Variants in GPAM observed in about 807,000 individuals in gnomAD.
The protein encoded by GPAM is glycerol-3-phosphate acyltransferase 1, mitochondrial.
GPAM carries 56 observed loss-of-function variants against 105.0 expected under a neutral mutation model. That is an observed-to-expected ratio of 0.53 (90% CI 0.43 to 0.67). The LOEUF (loss-of-function observed/expected upper bound fraction) is 0.67, where lower values mean the gene tolerates loss of function less well. GPAM is among the 30% of genes least tolerant of loss of function. The probability of loss-of-function intolerance (pLI) is 0.00; values close to 1 mark genes in which losing one functional copy is unlikely to be tolerated. For synonymous variants in GPAM, 368 were observed against 354.4 expected (o/e 1.04, Z -0.43); for missense variants, 855 against 989.8 (o/e 0.86, Z 1.83).
Position 112,149,962 on chromosome 10 carries a change from T to A in GPAM, c.*3588A>T, listed in dbSNP as rs1349089356. 12 of 985,468 alleles carry A rather than the reference T, an allele frequency of 1.2e-5. No individual in the cohort carries two copies. The allele number at this position is 985,468 out of a possible 1,614,324, so 61.0% of individuals were successfully genotyped here. On this transcript the variant is annotated 3_prime_UTR_variant, in exon 22 of 22. Coordinates refer to ENST00000348367, the MANE Select transcript of GPAM (RefSeq NM_001244949.2). ...AAATCAATCAGCATTTCCAAGTATG[T>A]TTTGCTCACAAAATCGCAGTTATTT...
At position 112,151,113 on chromosome 10, in the gene GPAM, G is replaced by GT. The variant is rs559477400; in HGVS notation, c.*2436dup. The GT allele has an allele frequency of 0.1, 61,433 of 593,062 alleles. 48 individuals carry two copies. The highest frequency in any genetic ancestry group is 0.11 in the Non-Finnish European group (53,896 of 473,678). The allele number at this position is 593,062 out of a possible 1,614,324, so 36.7% of individuals were successfully genotyped here. ...CTGCAGTTTCATGTTGTTTAATATT[G>GT]TTTTTTTTTTTTAACTTGACCACAG... is the stretch of plus-strand genomic sequence containing the variant. On this transcript the variant is annotated 3_prime_UTR_variant, in exon 22 of 22. Coordinates refer to ENST00000348367, the MANE Select transcript of GPAM (RefSeq NM_001244949.2).
chr10:112,213,256 G>A (rs1271813429), intron 1 of GPAM, among the ~76,000 whole-genome samples: 1 of 152,166 alleles, frequency 6.6e-6, no homozygotes, highest in Non-Finnish European at 1.5e-5. Flanking sequence ...AGAAAAAAAA[G>A]CATGGGCTCT....
intron 3 of GPAM, 52 bp downstream of exon 3, chr10:112,181,631 T>C (rs1248045702): frequency 1.2e-5 from 12 of 976,186 alleles, no homozygotes; most frequent in Admixed American, 3.4e-5. Flanking sequence ...ATAAACATCA[T>C]TGAAATGAAC....
chr10:112,178,826 T>C (rs1847454139), intron 4 of GPAM, among the ~76,000 whole-genome samples: 1 of 152,212 alleles, frequency 6.6e-6, no homozygotes. Flanking sequence ...GGATTCAATC[T>C]TATGTCTTGA....
At chr10:112,202,794 G>A (rs1353049638) in intron 1 of GPAM, among the ~76,000 whole-genome samples, 1 of 152,098 alleles carries the variant, frequency 6.6e-6, no homozygotes. Context: ...ACTGGCCAGG[G>A]GTAAAAGGCA....
intron 1 of GPAM, among the ~76,000 whole-genome samples, chr10:112,212,413 C>T (rs933308592): frequency 1.3e-5 from 2 of 152,144 alleles, no homozygotes; most frequent in Non-Finnish European, 2.9e-5. Context: ...CAGGCACCCA[C>T]AACCTTGCCT....
chr10:112,196,952 A>G (rs1452706815), intron 1 of GPAM, among the ~76,000 whole-genome samples: 1 of 152,210 alleles, frequency 6.6e-6, no homozygotes. Context: ...CTTCACCTCC[A>G]TAAAGCATTG....
rs1372140548 is a variant in GPAM, at chr10:112,150,219, A to C, written c.*3331T>G. On this transcript the variant is annotated 3_prime_UTR_variant, in exon 22 of 22. Transcript: ENST00000348367. Reference sequence around the variant, plus strand: ...AGGTTTACAGCCCATAGTAAGTCTTAGAAACCTCAACGATAGGTCCTGTCA... The same window carrying C: ...AGGTTTACAGCCCATAGTAAGTCTTCGAAACCTCAACGATAGGTCCTGTCA... The C allele has an allele frequency of 1.0e-6, 1 of 984,580 alleles. No individual in the cohort carries two copies. The highest frequency in any genetic ancestry group is 1.2e-6 in the Non-Finnish European group (1 of 829,176). The allele number at this position is 984,580 out of a possible 1,614,324, so 61.0% of individuals were successfully genotyped here. A position where few individuals can be genotyped will look rare whatever the true frequency, so the allele number is the denominator to read the frequency against.
At chr10:112,165,580 C>T (rs192357396) in intron 12 of GPAM, among the ~76,000 whole-genome samples, 1,770 of 152,184 alleles carry the variant, frequency 0.012, 19 homozygotes, top group Non-Finnish European at 0.016. Context: ...ATCCCAGCTA[C>T]TTAGGAGGCT....
Position 112,152,283 on chromosome 10 carries a change from A to G in GPAM, c.*1267T>C. The stretch of plus-strand genomic sequence containing the variant: ...TTAAAAAATCACCATAATTACCATA[A>G]TAAACCAATAATTATGCTCCCTGCT... On this transcript the variant is annotated 3_prime_UTR_variant, in exon 22 of 22. Transcript: ENST00000348367. The G allele has an allele frequency of 1.0e-6, 1 of 982,716 alleles. No individual in the cohort carries two copies. The highest frequency in any genetic ancestry group is 1.2e-6 in the Non-Finnish European group (1 of 827,434). 60.9% of individuals were successfully genotyped at this position (982,716 alleles called of 1,614,324 possible).
At chr10:112,192,364 T>C (rs966999535) in intron 1 of GPAM, among the ~76,000 whole-genome samples, 1 of 152,114 alleles carries the variant, frequency 6.6e-6, no homozygotes, top group Admixed American at 6.5e-5. Flanking sequence ...GGAAGAAAGA[T>C]AAACAAACTT....
At chr10:112,208,964 T>C (rs974269878) in intron 1 of GPAM, among the ~76,000 whole-genome samples, 4 of 152,150 alleles carry the variant, frequency 2.6e-5, no homozygotes, top group African/African-American at 7.2e-5. Flanking sequence ...ACCACTGGCG[T>C]TGGCTGGAGA....
intron 1 of GPAM, among the ~76,000 whole-genome samples, chr10:112,197,192 T>C (rs1392722072): frequency 6.6e-6 from 1 of 152,234 alleles, no homozygotes; most frequent in African/African-American, 2.4e-5. Flanking sequence ...GCTCCATCAA[T>C]TGATCAAATC....
upstream of GPAM, among the ~76,000 whole-genome samples, chr10:112,185,687 G>A (rs1362022435): frequency 6.6e-6 from 1 of 151,676 alleles, no homozygotes; most frequent in African/African-American, 2.4e-5. Context: ...GCAGGAGAAT[G>A]GCGTGAACCC....
At chr10:112,172,399 C>T in intron 8 of GPAM, 81 bp from the exon 9 acceptor site, 1 of 1,030,654 alleles carries the variant, frequency 9.7e-7, no homozygotes, top group Admixed American at 1.8e-5. Flanking sequence ...TGGCTAGAGT[C>T]ACTCAAACAC....
chr10:112,160,598 A>G lies in GPAM; in HGVS notation c.1759+6T>C. 6.2e-7 allele frequency: 1 copy of G among 1,610,774 alleles called. No individual in the cohort carries two copies. Among genetic ancestry groups the G allele is most frequent in the Non-Finnish European group, 8.5e-7 (1 of 1,176,996 alleles). On this transcript the variant is annotated splice_donor_region_variant and intron_variant, in intron 16 of 21. Coordinates refer to ENST00000348367, the MANE Select transcript of GPAM (RefSeq NM_001244949.2). ...ATTACTGAAAATATTTCAAGGTCTG[A>G]CATACCTATGATGGCCTCCATGATA...
chr10:112,187,701 C>T (rs553732319), upstream of GPAM, among the ~76,000 whole-genome samples: 53 of 152,052 alleles, frequency 3.5e-4, no homozygotes, highest in African/African-American at 1.3e-3. Context: ...TACTATCAAC[C>T]CAACTTGATC....
At position 112,163,796 on chromosome 10, in the gene GPAM, T is replaced by C; in HGVS notation, c.1328A>G (p.Glu443Gly). ...CTCATTAATGGACGTGTCTCTACCTTCATCAGCAGCATCACTGGGTCTAAA... is the reference window on the plus strand; with the variant it reads ...CTCATTAATGGACGTGTCTCTACCTCCATCAGCAGCATCACTGGGTCTAAA... ...LPSRPSDAAD[E>G]GRDTSINESR... Residue 443 changes from glutamate (E) to glycine (G), a missense_variant, in exon 14 of 22, where the codon GAA (glutamate) becomes GGA (glycine). Glu to Gly is a moderately conservative substitution (Grantham distance 98, BLOSUM62 -2). Transcript: ENST00000348367. 1 of 1,586,100 alleles carries C rather than the reference T, an allele frequency of 6.3e-7. No homozygotes were observed. The highest frequency in any genetic ancestry group is 1.1e-5 in the South Asian group (1 of 90,524).
At chr10:112,177,955 T>A in intron 5 of GPAM, 29 bp downstream of exon 5, 1 of 1,193,218 alleles carries the variant, frequency 8.4e-7, no homozygotes, top group Non-Finnish European at 1.3e-6. Flanking sequence ...TTTTGAGATG[T>A]ATTAAAAACA....
Sources: gnomAD v4.1 joint callset for allele counts (sites outside exome capture counted in the v4.1 genomes callset) on GRCh38, gnomAD v4.1.1 for gene constraint, MANE v1.5 for transcripts, NCBI Gene and HGNC (gene_info 2026-07-23, HGNC 2026-07-21) for gene names.